Variants in ME3 observed in about 807,000 individuals in gnomAD.
ME3 encodes NADP-dependent malic enzyme, mitochondrial.
Under a neutral mutation model 68.9 loss-of-function variants are expected in ME3, and 48 were observed. The observed-to-expected ratio is 0.70, with a 90% CI of 0.55 to 0.89. The LOEUF (loss-of-function observed/expected upper bound fraction) is 0.89. Ranked by LOEUF, ME3 falls within the 40% of genes least tolerant of loss-of-function variation. The probability of loss-of-function intolerance (pLI) is 0.00; values close to 1 mark genes in which losing one functional copy is unlikely to be tolerated. For synonymous variants in ME3, 320 were observed against 318.8 expected, an observed-to-expected ratio of 1.00 and a Z score of -0.04; for missense variants, 675 against 797.4, an observed-to-expected ratio of 0.85 and a Z score of 1.85.
At chr11:86,462,951 A>G (rs1950296007) in intron 8 of ME3, among the ~76,000 whole-genome samples, 1 of 152,190 alleles carries the variant, frequency 6.6e-6, no homozygotes, top group African/African-American at 2.4e-5. Flanking sequence ...AAACACAGAA[A>G]GAAATGGCAG....
chr11:86,665,481 G>A (rs1946534601), intron 2 of ME3, among the ~76,000 whole-genome samples: 1 of 152,148 alleles, frequency 6.6e-6, no homozygotes, highest in Non-Finnish European at 1.5e-5. Context: ...ACTGACTGAG[G>A]AGGCCAATGG....
chr11:86,599,500 G>A (rs974434274), intron 2 of ME3, among the ~76,000 whole-genome samples: 1 of 152,230 alleles, frequency 6.6e-6, no homozygotes, highest in African/African-American at 2.4e-5. Flanking sequence ...GTGACGGGGA[G>A]AATGGAAACA....
chr11:86,451,754 T>C (rs941859959), intron 8 of ME3, among the ~76,000 whole-genome samples: 1 of 152,246 alleles, frequency 6.6e-6, no homozygotes, highest in Non-Finnish European at 1.5e-5. Context: ...GCCAGCACCA[T>C]CATCTATGGA....
chr11:86,567,676 G>A (rs1957561936), intron 2 of ME3, among the ~76,000 whole-genome samples: 2 of 152,206 alleles, frequency 1.3e-5, no homozygotes, highest in Admixed American at 6.5e-5. Context: ...CTGTTTAGCA[G>A]CTGGTAATTT....
intron 2 of ME3, among the ~76,000 whole-genome samples, chr11:86,592,326 C>A (rs1338210330): frequency 6.6e-6 from 1 of 152,168 alleles, no homozygotes; most frequent in Non-Finnish European, 1.5e-5. Flanking sequence ...TCACCACTTG[C>A]TCAAAGCCAG....
intron 6 of ME3, among the ~76,000 whole-genome samples, chr11:86,497,217 C>T (rs1327065015): frequency 1.3e-5 from 2 of 152,224 alleles, no homozygotes; most frequent in Admixed American, 1.3e-4. Flanking sequence ...CTCCTGGCCT[C>T]AGGTGATCCC....
chr11:86,444,595 G>A (rs546430237), intron 13 of ME3, among the ~76,000 whole-genome samples: 13 of 152,270 alleles, frequency 8.5e-5, no homozygotes, highest in African/African-American at 3.1e-4. Flanking sequence ...CATCTAAGAC[G>A]GTAGGCACTG....
intron 7 of ME3, among the ~76,000 whole-genome samples, chr11:86,482,790 CAG>C (rs2138890707): frequency 6.6e-6 from 1 of 152,090 alleles, no homozygotes; most frequent in African/African-American, 2.4e-5. Context: ...AATGGAAAAA[CAG>C]AGGAGCCCAA....
At chr11:86,453,179 T>C (rs1283093378) in intron 8 of ME3, among the ~76,000 whole-genome samples, 1 of 152,084 alleles carries the variant, frequency 6.6e-6, no homozygotes, top group Non-Finnish European at 1.5e-5. Context: ...TTTGTATTTT[T>C]AGTAGAGACA....
intron 2 of ME3, among the ~76,000 whole-genome samples, chr11:86,562,170 G>T (rs911068981): frequency 6.6e-6 from 1 of 152,166 alleles, no homozygotes; most frequent in African/African-American, 2.4e-5. Context: ...GAAGCATAAA[G>T]TATGTAGCTT....
chr11:86,467,665 TCTCTC>T (rs1950553463), intron 7 of ME3, among the ~76,000 whole-genome samples: 2 of 36,956 alleles, frequency 5.4e-5, no homozygotes, highest in Non-Finnish European at 1.3e-4. Flanking sequence ...TCTCTGTTTC[TCTCTC>T]TCTCTCTCTC....
exon 15 of ME3, chr11:86,441,428 C>T (rs770893447): frequency 5.0e-6 from 8 of 1,594,806 alleles, no homozygotes; most frequent in Non-Finnish European, 5.1e-6. Context: ...TGTTTGTACG[C>T]GTAGTCGAGA....
At chr11:86,584,100 A>C (rs550890643) in intron 2 of ME3, among the ~76,000 whole-genome samples, 20 of 152,150 alleles carry the variant, frequency 1.3e-4, no homozygotes, top group Non-Finnish European at 2.6e-4. Flanking sequence ...ATATATAAGG[A>C]ACTCTTACAA....
intron 5 of ME3, among the ~76,000 whole-genome samples, chr11:86,504,489 C>G (rs552507218): frequency 1.4e-5 from 2 of 147,078 alleles, no homozygotes; most frequent in South Asian, 4.5e-4. Context: ...CTCCCAGGCT[C>G]AAGTGATTCT....
intron 2 of ME3, among the ~76,000 whole-genome samples, chr11:86,603,602 C>T (rs1330514352): frequency 6.6e-6 from 1 of 152,084 alleles, no homozygotes; most frequent in Non-Finnish European, 1.5e-5. Flanking sequence ...TGGGTATATA[C>T]CCAAAGGACT....
intron 8 of ME3, among the ~76,000 whole-genome samples, chr11:86,451,228 ATGATCAGGG>A (rs1949617398): frequency 6.6e-6 from 1 of 152,190 alleles, no homozygotes; most frequent in African/African-American, 2.4e-5. Flanking sequence ...GTTTAGCTGG[ATGATCAGGG>A]ACTTGGAAAG....
At chr11:86,537,352 T>C (rs1955749150) in intron 4 of ME3, among the ~76,000 whole-genome samples, 1 of 151,402 alleles carries the variant, frequency 6.6e-6, no homozygotes, top group Non-Finnish European at 1.5e-5. Context: ...ATGCATTAAA[T>C]ATAATAATTG....
intron 4 of ME3, among the ~76,000 whole-genome samples, chr11:86,540,039 G>A (rs772580042): frequency 2.0e-5 from 3 of 152,190 alleles, no homozygotes; most frequent in Non-Finnish European, 2.9e-5. Context: ...GACTCAGTAT[G>A]GCAGATGCAC....
At chr11:86,475,874 T>TATATATATATATATATATATAGAGAG in intron 7 of ME3, among the ~76,000 whole-genome samples, 1 of 91,476 alleles carries the variant, frequency 1.1e-5, no homozygotes, top group African/African-American at 5.0e-5. Context: ...TATATATATA[T>TATATATATATATATATATATAGAGAG]AGAGAGAGAG....
Sources: allele counts gnomAD v4.1 joint callset (sites outside exome capture counted in the v4.1 genomes callset), GRCh38; gene constraint gnomAD v4.1.1; transcripts MANE v1.5; gene names NCBI Gene and HGNC (gene_info 2026-07-23, HGNC 2026-07-21).